ALK: variants seen among roughly 807,000 people sequenced by gnomAD.
ALK encodes ALK tyrosine kinase receptor.
ALK carries 74 observed loss-of-function variants against 163.1 expected under a neutral mutation model. That is an observed-to-expected ratio of 0.45 (90% confidence interval 0.38 to 0.55). The LOEUF is 0.55. Among genes scored for constraint, ALK ranks in the 20% least tolerant of loss-of-function variants. The probability of loss-of-function intolerance (pLI) is 0.00; values close to 1 mark genes in which losing one functional copy is unlikely to be tolerated. For synonymous variants in ALK, 960 were observed against 843.2 expected (o/e 1.14, Z -2.40); for missense variants, 2,063 against 2,105.3 (o/e 0.98, Z 0.39).
chr2:29,437,703 C>A (rs572110864), intron 4 of ALK, among the ~76,000 whole-genome samples: 18 of 152,292 alleles, frequency 1.2e-4, no homozygotes, highest in African/African-American at 4.3e-4. Context: ...CTAAGCCCCA[C>A]CTCAAATTAC....
rs1277634527 is a variant in ALK at position 29,493,390 on chromosome 2, CAG to C, written c.1154+38523_1154+38524del. 6.6e-5 allele frequency among the ~76,000 whole-genome samples: 10 copies of C among 152,326 alleles called. No homozygotes were observed. In the East Asian group the frequency reaches 1.5e-3, roughly 24 times the overall value. ...CAGCCAAGGCCAAAGGCGTACACAT[CAG>C]AGAGTCACGTATCGTGTTTTCTCCA... On this transcript the variant is annotated intron_variant, in intron 4 of 28. Transcript: ENST00000389048.
intron 1 of ALK, among the ~76,000 whole-genome samples, chr2:29,722,486 A>T (rs1415831848): frequency 6.6e-6 from 1 of 152,182 alleles, no homozygotes. Context: ...GACTTTTCTT[A>T]CTTGGAAAAC....
chr2:29,607,996 G>GT (rs1049904399), intron 3 of ALK, among the ~76,000 whole-genome samples: 2 of 151,550 alleles, frequency 1.3e-5, no homozygotes, highest in Non-Finnish European at 2.9e-5. Context: ...AAGTTTAGGG[G>GT]TATGTGTGCA....
intron 1 of ALK, among the ~76,000 whole-genome samples, chr2:29,790,037 A>G (rs1293743976): frequency 6.6e-6 from 1 of 152,170 alleles, no homozygotes; most frequent in African/African-American, 2.4e-5. Context: ...GCATAATTCA[A>G]TTCCCGAATG....
At chr2:29,652,816 G>A (rs1020434501) in intron 3 of ALK, among the ~76,000 whole-genome samples, 1 of 152,080 alleles carries the variant, frequency 6.6e-6, no homozygotes, top group Non-Finnish European at 1.5e-5. Flanking sequence ...GAGAGGGCAT[G>A]GGAGCACCAC....
At chr2:29,600,309 A>T (rs943958904) in intron 3 of ALK, among the ~76,000 whole-genome samples, 1 of 152,222 alleles carries the variant, frequency 6.6e-6, no homozygotes, top group Non-Finnish European at 1.5e-5. Flanking sequence ...GAGCTGATAG[A>T]GTAACATTAA....
At chr2:29,498,853 A>G (rs1222320941) in intron 4 of ALK, among the ~76,000 whole-genome samples, 1 of 152,156 alleles carries the variant, frequency 6.6e-6, no homozygotes, top group Non-Finnish European at 1.5e-5. Context: ...GATCATCACT[A>G]TAATTGAGCA....
rs1400294495 is a variant in ALK, at chr2:29,831,099, GAGGAGGAGGAGA to G, written c.667+88882_667+88893del. 8.7e-4 allele frequency among the ~76,000 whole-genome samples: 46 copies of G among 52,656 alleles called. 8 individuals are homozygous for G. Among genetic ancestry groups the G allele is most frequent in the African/African-American group, 3.4e-3 (36 of 10,650 alleles). The allele number at this position is 52,656 out of a possible 152,430, so 34.5% of individuals were successfully genotyped here. ...GGAGGAGGAGGAGGAGGAGGAGGAG[GAGGAGGAGGAGA>G]AGAAGAAGAAGAAGGGGAAGAAGGG... On this transcript the variant is annotated intron_variant, in intron 1 of 28. Coordinates refer to ENST00000389048, the MANE Select transcript of ALK (RefSeq NM_004304.5).
intron 11 of ALK, among the ~76,000 whole-genome samples, chr2:29,252,549 T>A (rs371216065): frequency 3.3e-5 from 5 of 152,154 alleles, no homozygotes; most frequent in African/African-American, 1.2e-4. Flanking sequence ...ATGGGCAGGG[T>A]TGCTAATCTG....
At chr2:29,210,772 T>G (rs1348851231) in intron 24 of ALK, among the ~76,000 whole-genome samples, 1 of 152,242 alleles carries the variant, frequency 6.6e-6, no homozygotes, top group Non-Finnish European at 1.5e-5. Flanking sequence ...CTTGCTAAGC[T>G]ACATGGCTGA....
intron 2 of ALK, among the ~76,000 whole-genome samples, chr2:29,695,541 C>T (rs866823779): frequency 2.0e-5 from 3 of 152,174 alleles, no homozygotes; most frequent in Non-Finnish European, 2.9e-5. Flanking sequence ...GTATGTGCGG[C>T]TTACAACCTA....
chr2:29,661,961 G>A lies in ALK; in HGVS notation c.952+32889C>T, dbSNP rs962060461. Among the ~76,000 whole-genome samples, 45 of 152,060 alleles carry A rather than the reference G, an allele frequency of 3.0e-4. 1 individual carries two copies. The highest frequency in any genetic ancestry group is 1.3e-4 in the Non-Finnish European group (9 of 68,008). ...AATCTCACTCTGTCGCTGGAATGCA[G>A]GGCAGCGGTGTCATCTCAGCTCACT... is the stretch of plus-strand genomic sequence containing the variant. On this transcript the variant is annotated intron_variant, in intron 3 of 28. Transcript: ENST00000389048.
chr2:29,418,822 AG>A (rs1669945169), intron 4 of ALK, among the ~76,000 whole-genome samples: 1 of 147,106 alleles, frequency 6.8e-6, no homozygotes, highest in South Asian at 2.1e-4. Context: ...AGGAAAATAG[AG>A]ATAAAGGCTA....
chr2:29,257,358 T>C (rs927217898), intron 11 of ALK, among the ~76,000 whole-genome samples: 5 of 152,166 alleles, frequency 3.3e-5, no homozygotes, highest in Non-Finnish European at 7.3e-5. Flanking sequence ...AAAATACTGA[T>C]TGGTTATAGA....
At chr2:29,664,187 T>G (rs1302720668) in intron 3 of ALK, among the ~76,000 whole-genome samples, 5 of 152,114 alleles carry the variant, frequency 3.3e-5, no homozygotes. Context: ...ACAACAAAAG[T>G]GGCAATGATG....
rs555948482 is a variant in ALK at position 29,314,693 on chromosome 2, T to C, written c.1647+3611A>G. Among the ~76,000 whole-genome samples the C allele has an allele frequency of 3.9e-5, 6 of 152,226 alleles. No individual in the cohort carries two copies. The South Asian group carries it at 8.3e-4, about 21-fold the overall frequency. ...TGGAGGGGAAAGAAAATGAGGAAAG[T>C]CCACTTTTTCTCCTTGCAGGCCCAG... On this transcript the variant is annotated intron_variant, in intron 8 of 28. Coordinates refer to ENST00000389048, the MANE Select transcript of ALK (RefSeq NM_004304.5).
intron 4 of ALK, among the ~76,000 whole-genome samples, chr2:29,472,561 T>C (rs187471767): frequency 9.2e-4 from 140 of 152,234 alleles, no homozygotes; most frequent in African/African-American, 3.3e-3. Context: ...ACTTCTAACA[T>C]ACATTTTACT....
intron 4 of ALK, among the ~76,000 whole-genome samples, chr2:29,498,430 GAT>G (rs1374930906): frequency 3.3e-5 from 5 of 152,100 alleles, no homozygotes; most frequent in Non-Finnish European, 5.9e-5. Flanking sequence ...GGGCCTATGA[GAT>G]ATAGAGGAAA....
chr2:29,518,669 G>A (rs1672735280), intron 4 of ALK, among the ~76,000 whole-genome samples: 1 of 152,150 alleles, frequency 6.6e-6, no homozygotes, highest in Non-Finnish European at 1.5e-5. Context: ...GAATCCCTCT[G>A]AACAATATGG....
Sources: gnomAD v4.1 joint callset for allele counts (sites outside exome capture counted in the v4.1 genomes callset) on GRCh38, gnomAD v4.1.1 for gene constraint, MANE v1.5 for transcripts, NCBI Gene and HGNC (gene_info 2026-07-23, HGNC 2026-07-21) for gene names.